Variants in STAU2 observed in about 807,000 individuals in gnomAD.
The protein encoded by STAU2 is staufen double-stranded RNA binding protein 2.
STAU2 carries 20 observed loss-of-function variants against 65.9 expected under a neutral mutation model. The ratio of observed to expected loss-of-function variants is 0.30; its 90% confidence interval spans 0.21 to 0.44. The LOEUF (loss-of-function observed/expected upper bound fraction) is 0.44, where lower values mean the gene tolerates loss of function less well. STAU2 is among the 20% of genes least tolerant of loss of function. The probability of loss-of-function intolerance (pLI) is 1.00; values close to 1 mark genes in which losing one functional copy is unlikely to be tolerated. For missense variants in STAU2, 558 were observed against 683.9 expected (o/e 0.82, Z 2.05); for synonymous variants, 232 against 233.9 (o/e 0.99, Z 0.07).
Position 73,700,883 on chromosome 8 carries a change from C to T in STAU2, c.114+8149G>A, listed in dbSNP as rs185281133. Among the ~76,000 whole-genome samples the T allele has an allele frequency of 9.3e-4, 141 of 152,096 alleles. 1 individual carries two copies. In the East Asian group the frequency reaches 0.023, roughly 25 times the overall value. ...TCTGACTTCAAATTATACTACAGAG[C>T]TATAGAAACCAAAACAACAGGGTAC... On this transcript the variant is annotated intron_variant, in intron 4 of 14. Coordinates refer to ENST00000524300, the MANE Select transcript of STAU2 (RefSeq NM_001164380.2).
At position 73,739,809 on chromosome 8, in the gene STAU2, GTCT is replaced by G. The variant is rs911714420; in HGVS notation, c.-140_-138del. 43 of 1,523,156 alleles carry G rather than the reference GTCT, an allele frequency of 2.8e-5. No individual in the cohort carries two copies. The highest frequency in any genetic ancestry group is 3.5e-5 in the Non-Finnish European group (40 of 1,138,862). The allele number at this position is 1,523,156 out of a possible 1,614,324, so 94.4% of individuals were successfully genotyped here. ...TGTATCTTTGAGTTCTTCTTTTTCT[GTCT>G]TCTTTTTTTTCTTCAATCTTTAAAA... On this transcript the variant is annotated 5_prime_UTR_variant, in exon 2 of 15. Transcript: ENST00000524300.
intron 6 of STAU2, among the ~76,000 whole-genome samples, chr8:73,654,932 G>A (rs1015832523): frequency 2.3e-4 from 35 of 152,002 alleles, no homozygotes; most frequent in Admixed American, 6.6e-4. Flanking sequence ...TGATCTGCCC[G>A]TCTCGGCCTC....
intron 13 of STAU2, among the ~76,000 whole-genome samples, chr8:73,453,516 C>T (rs1204146502): frequency 6.6e-6 from 1 of 152,196 alleles, no homozygotes; most frequent in African/African-American, 2.4e-5. Flanking sequence ...ATTCAGCAAA[C>T]ACACTCTAGA....
At chr8:73,560,310 G>A (rs771802754) in intron 12 of STAU2, among the ~76,000 whole-genome samples, 5 of 151,978 alleles carry the variant, frequency 3.3e-5, no homozygotes, top group African/African-American at 4.8e-5. Flanking sequence ...TCGATCTCCT[G>A]ACCTCGTGAT....
intron 1 of STAU2, among the ~76,000 whole-genome samples, chr8:73,740,437 C>A (rs1806768499): frequency 6.6e-6 from 1 of 152,090 alleles, no homozygotes; most frequent in Non-Finnish European, 1.5e-5. Context: ...AACATTAGAA[C>A]TTCAAAGTGG....
chr8:73,466,008 G>A (rs1398545837), intron 13 of STAU2, among the ~76,000 whole-genome samples: 1 of 152,184 alleles, frequency 6.6e-6, no homozygotes, highest in Non-Finnish European at 1.5e-5. Context: ...TAGAGACAGG[G>A]TTTCGCCATG....
intron 6 of STAU2, chr8:73,651,171 C>G: frequency 9.1e-7 from 1 of 1,100,418 alleles, no homozygotes; most frequent in Non-Finnish European, 1.3e-6. Context: ...AGGCATCGGG[C>G]CCCGAGGAGC....
chr8:73,475,705 A>G (rs1401033223), intron 13 of STAU2, among the ~76,000 whole-genome samples: 4 of 152,230 alleles, frequency 2.6e-5, no homozygotes, highest in African/African-American at 9.6e-5. Context: ...CTTTGGAAAC[A>G]ATCATGCTAT....
At chr8:73,439,712 G>A (rs1404355721) in intron 13 of STAU2, 1 of 152,408 alleles carries the variant, frequency 6.6e-6, no homozygotes, top group Non-Finnish European at 1.5e-5. Context: ...CATTCATTCT[G>A]TTCTAAGGAC....
chr8:73,687,335 A>AATTTAT (rs1434054105), intron 5 of STAU2, among the ~76,000 whole-genome samples: 4 of 94,910 alleles, frequency 4.2e-5, no homozygotes, highest in Non-Finnish European at 6.0e-5. Context: ...TTATAAATAT[A>AATTTAT]ATTTATATTT....
intron 6 of STAU2, among the ~76,000 whole-genome samples, chr8:73,631,938 G>A (rs901788537): frequency 6.9e-6 from 1 of 144,152 alleles, no homozygotes; most frequent in African/African-American, 2.5e-5. Context: ...CCAAAAAGCT[G>A]AAGTTGCTCA....
At chr8:73,720,420 T>C (rs1821559574) in intron 3 of STAU2, among the ~76,000 whole-genome samples, 1 of 151,532 alleles carries the variant, frequency 6.6e-6, no homozygotes, top group South Asian at 2.1e-4. Flanking sequence ...CATTTGGAGC[T>C]ATAAATTTCT....
At chr8:73,452,511 A>G (rs1029978502) in intron 13 of STAU2, among the ~76,000 whole-genome samples, 1 of 152,094 alleles carries the variant, frequency 6.6e-6, no homozygotes, top group Non-Finnish European at 1.5e-5. Context: ...CCCCTGTAAC[A>G]ATATCTTTAA....
intron 3 of STAU2, among the ~76,000 whole-genome samples, chr8:73,714,061 G>A (rs372772620): frequency 1.0e-3 from 155 of 152,116 alleles, no homozygotes; most frequent in African/African-American, 3.5e-3. Context: ...GCACCACCAC[G>A]CCCAGCTAAT....
At chr8:73,543,922 C>T (rs996627829) in intron 13 of STAU2, among the ~76,000 whole-genome samples, 1 of 152,146 alleles carries the variant, frequency 6.6e-6, no homozygotes, top group East Asian at 1.9e-4. Flanking sequence ...ATCACCAGAC[C>T]GATTTCAACT....
chr8:73,508,722 A>T (rs1279915098), intron 13 of STAU2, among the ~76,000 whole-genome samples: 1 of 152,160 alleles, frequency 6.6e-6, no homozygotes, highest in Non-Finnish European at 1.5e-5. Flanking sequence ...CTTTTCTGGA[A>T]ATTTCATATA....
At chr8:73,504,549 A>G (rs746127358) in intron 13 of STAU2, among the ~76,000 whole-genome samples, 3 of 152,086 alleles carry the variant, frequency 2.0e-5, no homozygotes, top group African/African-American at 4.8e-5. Context: ...TTGGGGACGC[A>G]CCGCTTAGGA....
At chr8:73,506,084 T>C (rs530402140) in intron 13 of STAU2, among the ~76,000 whole-genome samples, 108 of 152,276 alleles carry the variant, frequency 7.1e-4, no homozygotes, top group Non-Finnish European at 1.2e-3. Context: ...TGCAGAACTA[T>C]GAGCTAATGA....
chr8:73,584,634 C>T (rs1401479327), intron 11 of STAU2, among the ~76,000 whole-genome samples: 1 of 151,938 alleles, frequency 6.6e-6, no homozygotes, highest in Non-Finnish European at 1.5e-5. Flanking sequence ...CTGCCATTAT[C>T]AGGAGAGAAA....
Sources: gnomAD v4.1 joint callset for allele counts (sites outside exome capture counted in the v4.1 genomes callset) on GRCh38, gnomAD v4.1.1 for gene constraint, MANE v1.5 for transcripts, NCBI Gene and HGNC (gene_info 2026-07-23, HGNC 2026-07-21) for gene names.